The following FRMD1 variants were observed in gnomAD, a reference collection of about 807,000 sequenced individuals.
FRMD1 encodes the protein FERM domain-containing protein 1.
FRMD1 carries 51 observed loss-of-function variants against 54.9 expected under a neutral mutation model. The observed-to-expected ratio is 0.93, with a 90% CI of 0.74 to 1.17. The LOEUF (loss-of-function observed/expected upper bound fraction) is 1.17. FRMD1 is among the 50% of genes most tolerant of loss of function. The probability of loss-of-function intolerance (pLI) is 0.00; values close to 1 mark genes in which losing one functional copy is unlikely to be tolerated. For missense variants in FRMD1, 729 were observed against 743.0 expected, an observed-to-expected ratio of 0.98 and a Z score of 0.22; for synonymous variants, 324 against 306.4, an observed-to-expected ratio of 1.06 and a Z score of -0.60.
chr6:168,092,313 A>T (rs1195259811), intron 1 of FRMD1, among the ~76,000 whole-genome samples: 1 of 152,240 alleles, frequency 6.6e-6, no homozygotes, highest in Non-Finnish European at 1.5e-5. Flanking sequence ...CTCATTAAAC[A>T]AATGCACACT....
In FRMD1 at chr6:168,075,228, G is replaced by A. The variant is rs1019473580; in HGVS notation, c.304+17C>T. The A allele has an allele frequency of 4.3e-6, 7 of 1,609,882 alleles. No individual in the cohort carries two copies. The highest frequency in any genetic ancestry group is 3.4e-6 in the Non-Finnish European group (4 of 1,176,932). On this transcript the variant is annotated intron_variant, in intron 2 of 10. Coordinates refer to ENST00000283309, the MANE Select transcript of FRMD1 (RefSeq NM_024919.6). ...GCCCCTGGGCATTCCTGCAGGTGGGGACTGAGCGATGCTTACTTCTGACCA... is the reference window on the plus strand; with the variant it reads ...GCCCCTGGGCATTCCTGCAGGTGGGAACTGAGCGATGCTTACTTCTGACCA...
At chr6:168,064,844 C>G (rs1425034868) in intron 5 of FRMD1, 27 bp downstream of exon 5, 1 of 1,537,800 alleles carries the variant, frequency 6.5e-7, no homozygotes. Context: ...ACTAGCAGTG[C>G]TGGGAGGAGG....
intron 2 of FRMD1, among the ~76,000 whole-genome samples, chr6:168,073,274 G>A (rs988367971): frequency 2.0e-5 from 3 of 150,090 alleles, no homozygotes; most frequent in African/African-American, 4.9e-5. Flanking sequence ...CAGCAGCAAA[G>A]GGAGGCGCCC....
rs767006393 is a variant in FRMD1, at chr6:168,078,907, C to T, written c.188G>A (p.Arg63Gln). The part of the protein sequence containing the change: ...HRDVLVLLPS[R>Q]EQLRLAVGVK... ...CCCCACGGCCAGCCGCAGTTGCTCC[C>T]GGCTGGGCAGCAGCACGAGGACATC... The change falls in exon 1 of 11, where the codon CGG becomes CAG. Residue 63 changes from arginine (R) to glutamine (Q), a missense_variant. By Grantham distance (43) the Arg-to-Gln change is conservative (BLOSUM62 1). Transcript: ENST00000283309. 37 of 1,598,910 alleles carry T rather than the reference C, an allele frequency of 2.3e-5. No homozygotes were observed. The Middle Eastern group carries it at 5.0e-4, about 21-fold the overall frequency.
At chr6:168,084,060 T>C (rs1267836680), upstream of FRMD1, among the ~76,000 whole-genome samples, 5 of 152,286 alleles carry the variant, frequency 3.3e-5, no homozygotes, top group East Asian at 1.9e-4. Context: ...CTGCAGCTTC[T>C]AGCAACTCCC....
At chr6:168,076,456 C>T (rs185585723) in intron 1 of FRMD1, among the ~76,000 whole-genome samples, 13 of 152,148 alleles carry the variant, frequency 8.5e-5, no homozygotes, top group East Asian at 3.9e-4. Flanking sequence ...GAGAGTGAGC[C>T]GGTGGGAGGT....
chr6:168,076,092 C>G (rs117110540), intron 1 of FRMD1, among the ~76,000 whole-genome samples: 3,030 of 152,308 alleles, frequency 0.02, 36 homozygotes, highest in Middle Eastern at 0.054. Context: ...TGGGGCCCAT[C>G]CCTGGTCACC....
chr6:168,079,078 C>A lies in FRMD1; in HGVS notation c.17G>T (p.Arg6Ile), dbSNP rs1196875676. 1.2e-6 allele frequency: 2 copies of A among 1,604,950 alleles called. No individual in the cohort carries two copies. The highest frequency in any genetic ancestry group is 8.5e-7 in the Non-Finnish European group (1 of 1,178,748). MAVPP[R>I]GRGIDPARTN... ...CCGGGCGGGGTCTATGCCCCTCCCT[C>A]TCGGGGGCACCGCCATGCTGTCGTT... The change falls in exon 1 of 11, where the codon AGA becomes ATA. Residue 6 changes from arginine (R) to isoleucine (I), a missense_variant. By Grantham distance (97) the Arg-to-Ile change is moderately conservative. Transcript: ENST00000283309.
At chr6:168,081,297 AC>A, upstream of FRMD1, 1 of 1,451,516 alleles carries the variant, frequency 6.9e-7, no homozygotes, top group Non-Finnish European at 9.1e-7. Context: ...ACAACTTTGC[AC>A]CCTGAGAAGG....
At chr6:168,086,054 A>G (rs2115030186), upstream of FRMD1, among the ~76,000 whole-genome samples, 1 of 152,370 alleles carries the variant, frequency 6.6e-6, no homozygotes, top group Admixed American at 6.5e-5. Flanking sequence ...CCCTGTCATG[A>G]GGGCTCCGTG....
At position 168,062,100 on chromosome 6, in the gene FRMD1, C is replaced by G. The variant is rs755091550; in HGVS notation, c.871-119G>C. On this transcript the variant is annotated intron_variant, in intron 7 of 10. Transcript: ENST00000283309. ...GGGGACGAGGCCCAGGTTTTCACTTCGCAGTGCAGATGGCTGTTGGCGGAC... is the reference window on the plus strand; with the variant it reads ...GGGGACGAGGCCCAGGTTTTCACTTGGCAGTGCAGATGGCTGTTGGCGGAC... The G allele has an allele frequency of 3.8e-6, 4 of 1,057,640 alleles. No homozygotes were observed. In the African/African-American group the frequency reaches 4.8e-5, roughly 13 times the overall value. The allele number at this position is 1,057,640 out of a possible 1,614,324, so 65.5% of individuals were successfully genotyped here.
chr6:168,078,328 A>G (rs1474589972), intron 1 of FRMD1, among the ~76,000 whole-genome samples: 1 of 152,138 alleles, frequency 6.6e-6, no homozygotes, highest in Non-Finnish European at 1.5e-5. Flanking sequence ...CTCTTCCCTC[A>G]GCGCTCCCTC....
intron 1 of FRMD1, among the ~76,000 whole-genome samples, chr6:168,087,150 C>G (rs542119658): frequency 6.6e-6 from 1 of 152,256 alleles, no homozygotes; most frequent in East Asian, 1.9e-4. Flanking sequence ...TCACTGTAAC[C>G]CCTGCCTCCT....
intron 3 of FRMD1, 181 bp downstream of exon 3, chr6:168,067,186 T>C: frequency 1.5e-6 from 1 of 680,380 alleles, no homozygotes; most frequent in Non-Finnish European, 2.7e-6. Flanking sequence ...GTGCCTGCCC[T>C]CTCCCACCCC....
At chr6:168,058,558 C>T (rs910829334) in intron 10 of FRMD1, among the ~76,000 whole-genome samples, 6 of 12,510 alleles carry the variant, frequency 4.8e-4, no homozygotes, top group African/African-American at 1.3e-3. Context: ...GAGCCGGGGG[C>T]GGGGGTTGGG....
intron 5 of FRMD1, among the ~76,000 whole-genome samples, chr6:168,064,447 C>T (rs1239371781): frequency 6.6e-6 from 1 of 152,216 alleles, no homozygotes; most frequent in Non-Finnish European, 1.5e-5. Context: ...GATGCCACTC[C>T]TTCCCTTACA....
rs141497910 is a variant in FRMD1 at position 168,079,080 on chromosome 6, C to A, written c.15G>T (p.Pro5=). The change falls in exon 1 of 11, where the codon CCG becomes CCT. Residue 5 remains proline, a synonymous_variant. Coordinates refer to ENST00000283309, the MANE Select transcript of FRMD1 (RefSeq NM_024919.6). MAVP[P]RGRGIDPART... Reference sequence around the variant, plus strand: ...GGGCGGGGTCTATGCCCCTCCCTCTCGGGGGCACCGCCATGCTGTCGTTAC... The same window carrying A: ...GGGCGGGGTCTATGCCCCTCCCTCTAGGGGGCACCGCCATGCTGTCGTTAC... 3.1e-6 allele frequency: 5 copies of A among 1,604,024 alleles called. No homozygotes were observed. Among genetic ancestry groups the A allele is most frequent in the South Asian group, 1.1e-5 (1 of 90,748 alleles).
chr6:168,087,545 G>A (rs1333926434), intron 1 of FRMD1, among the ~76,000 whole-genome samples: 1 of 152,200 alleles, frequency 6.6e-6, no homozygotes, highest in Non-Finnish European at 1.5e-5. Context: ...TCTGTGGGGA[G>A]AACGCAGGCT....
upstream of FRMD1, among the ~76,000 whole-genome samples, chr6:168,082,227 G>A (rs563591645): frequency 3.9e-5 from 6 of 152,348 alleles, no homozygotes; most frequent in South Asian, 8.3e-4. Context: ...AGACCCAGGC[G>A]AGGCCCTTTA....
Sources: gnomAD v4.1 joint callset for allele counts (sites outside exome capture counted in the v4.1 genomes callset) on GRCh38, gnomAD v4.1.1 for gene constraint, MANE v1.5 for transcripts, NCBI Gene and HGNC (gene_info 2026-07-23, HGNC 2026-07-21) for gene names.